Variants in KCNMA1 observed in about 807,000 individuals in gnomAD.
KCNMA1 encodes Calcium-activated potassium channel subunit alpha-1.
Under a neutral mutation model 140.0 loss-of-function variants are expected in KCNMA1, and 29 were observed. The ratio of observed to expected loss-of-function variants is 0.21; its 90% CI spans 0.15 to 0.28. The LOEUF is 0.28. KCNMA1 is among the 10% of genes least tolerant of loss of function. The pLI, the probability that KCNMA1 is intolerant of heterozygous loss-of-function variation, is 1.00. For synonymous variants in KCNMA1, 612 were observed against 611.9 expected (o/e 1.00, Z 0.00); for missense variants, 880 against 1,602.2 (o/e 0.55, Z 7.70).
At chr10:77,441,016 G>A (rs1052431034) in intron 1 of KCNMA1, among the ~76,000 whole-genome samples, 16 of 151,982 alleles carry the variant, frequency 1.1e-4, no homozygotes, top group Admixed American at 4.6e-4. Context: ...GTAGAGACGG[G>A]GTTTCACCGT....
intron 2 of KCNMA1, among the ~76,000 whole-genome samples, chr10:77,355,913 A>C (rs1675612122): frequency 6.6e-6 from 1 of 152,064 alleles, no homozygotes; most frequent in Non-Finnish European, 1.5e-5. Context: ...TAGAAAACTC[A>C]CGCATTACTC....
At chr10:77,195,018 T>C (rs1056844565) in intron 3 of KCNMA1, among the ~76,000 whole-genome samples, 2 of 152,172 alleles carry the variant, frequency 1.3e-5, no homozygotes, top group Admixed American at 6.5e-5. Flanking sequence ...TATCTATTTC[T>C]AACATCTTGA....
intron 22 of KCNMA1, among the ~76,000 whole-genome samples, chr10:76,947,654 C>T (rs1002713643): frequency 1.3e-5 from 2 of 152,216 alleles, no homozygotes; most frequent in African/African-American, 2.4e-5. Flanking sequence ...GACTGTTTGT[C>T]TATAGGTGAC....
Position 77,108,164 on chromosome 10 carries a change from A to G in KCNMA1, c.1223+317T>C, listed in dbSNP as rs1362072254. ...ACCTCTGACATCACACCCCATGCAG[A>G]AACTGGGCCTTCCCTCACAGAAGCA... On this transcript the variant is annotated intron_variant, in intron 9 of 27. Coordinates refer to ENST00000286628, the MANE Select transcript of KCNMA1 (RefSeq NM_001161352.2). This position sits in a 1 kb window ranked among gnomAD's most constrained non-coding sequence, Gnocchi z 4.6. 1 of 769,120 alleles carries G rather than the reference A, an allele frequency of 1.3e-6. No individual in the cohort carries two copies. Among genetic ancestry groups the G allele is most frequent in the African/African-American group, 1.8e-5 (1 of 56,844 alleles). The allele number at this position is 769,120 out of a possible 1,614,324, so 47.6% of individuals were successfully genotyped here.
intron 1 of KCNMA1, among the ~76,000 whole-genome samples, chr10:77,444,804 C>T (rs542756815): frequency 3.2e-4 from 49 of 152,264 alleles, no homozygotes; most frequent in Admixed American, 2.9e-3. Flanking sequence ...GATTCCCCCA[C>T]CGAGCAAGAG....
At chr10:76,916,959 A>G (rs577132640) in intron 23 of KCNMA1, among the ~76,000 whole-genome samples, 4 of 152,354 alleles carry the variant, frequency 2.6e-5, no homozygotes, top group African/African-American at 9.6e-5. Context: ...ACTTAAATTG[A>G]TTCTTTACAT....
chr10:77,545,289 A>G (rs2061177613), intron 1 of KCNMA1, among the ~76,000 whole-genome samples: 2 of 152,212 alleles, frequency 1.3e-5, no homozygotes. Flanking sequence ...GCATTTTTCA[A>G]TTTATCTTCC....
chr10:76,869,754 T>G (rs1202020292), exon 28 of KCNMA1: 1 of 152,644 alleles, frequency 6.6e-6, no homozygotes, highest in Non-Finnish European at 1.5e-5. Context: ...AGCACCAGCA[T>G]ATAGTCTCTT....
chr10:77,578,496 G>A (rs1449115400), intron 1 of KCNMA1, among the ~76,000 whole-genome samples: 1 of 152,204 alleles, frequency 6.6e-6, no homozygotes, highest in Non-Finnish European at 1.5e-5. Context: ...AAGGGTCTGA[G>A]GGAAGCCTGC....
At chr10:77,105,446 T>C (rs1366347765) in intron 9 of KCNMA1, among the ~76,000 whole-genome samples, 1 of 152,268 alleles carries the variant, frequency 6.6e-6, no homozygotes, top group African/African-American at 2.4e-5. Context: ...CAAAGTTTTA[T>C]GTCTCTGTAG....
chr10:77,106,557 G>T (rs1434757379), intron 9 of KCNMA1, among the ~76,000 whole-genome samples: 1 of 151,558 alleles, frequency 6.6e-6, no homozygotes, highest in African/African-American at 2.4e-5. Context: ...AAAATCACCT[G>T]GAATGAAAGT....
chr10:77,358,956 G>C (rs1307286348), intron 2 of KCNMA1, among the ~76,000 whole-genome samples: 5 of 152,142 alleles, frequency 3.3e-5, no homozygotes, highest in Non-Finnish European at 5.9e-5. Context: ...TACACAATGA[G>C]CTGGGCATCC....
chr10:77,545,533 G>C (rs1603634867), intron 1 of KCNMA1, among the ~76,000 whole-genome samples: 1 of 152,120 alleles, frequency 6.6e-6, no homozygotes, highest in Non-Finnish European at 1.5e-5. Flanking sequence ...GCAGACATGA[G>C]AGCCTGTCCA....
At chr10:77,534,579 T>A (rs2058432038) in intron 1 of KCNMA1, among the ~76,000 whole-genome samples, 1 of 152,158 alleles carries the variant, frequency 6.6e-6, no homozygotes, top group Non-Finnish European at 1.5e-5. Flanking sequence ...CCTAATATAC[T>A]CAGGAAGATC....
downstream of KCNMA1, chr10:76,872,830 C>T (rs2031620849): frequency 6.6e-6 from 1 of 152,218 alleles, no homozygotes; most frequent in South Asian, 2.1e-4. Context: ...ACTCTTTGTA[C>T]CATATGCATG....
At chr10:77,440,727 T>A (rs2097377838) in intron 1 of KCNMA1, among the ~76,000 whole-genome samples, 1 of 151,970 alleles carries the variant, frequency 6.6e-6, no homozygotes, top group African/African-American at 2.4e-5. Flanking sequence ...GCCTGGGAGG[T>A]TAAATGTCAC....
chr10:77,309,895 C>A (rs2078807559), intron 2 of KCNMA1, among the ~76,000 whole-genome samples: 1 of 152,210 alleles, frequency 6.6e-6, no homozygotes, highest in African/African-American at 2.4e-5. Flanking sequence ...ATACCTGAGG[C>A]TCTGTGATTG....
intron 23 of KCNMA1, among the ~76,000 whole-genome samples, chr10:76,928,167 C>T (rs1168557745): frequency 3.3e-5 from 5 of 151,864 alleles, no homozygotes; most frequent in Non-Finnish European, 7.4e-5. Flanking sequence ...AATTAATCTC[C>T]TTGAAACAGA....
chr10:77,050,744 G>C (rs914154865), intron 14 of KCNMA1, among the ~76,000 whole-genome samples: 19 of 152,182 alleles, frequency 1.2e-4, no homozygotes, highest in African/African-American at 4.6e-4. Flanking sequence ...TGAAGAATAA[G>C]GGGCAAGTAT....
Sources: allele counts gnomAD v4.1 joint callset (sites outside exome capture counted in the v4.1 genomes callset), GRCh38; gene constraint gnomAD v4.1.1; non-coding constraint Gnocchi (gnomAD v3.1); transcripts MANE v1.5; gene names NCBI Gene and HGNC (gene_info 2026-07-23, HGNC 2026-07-21).